The following PLA2G6 variants were observed in gnomAD, a reference collection of about 807,000 sequenced individuals.
The protein encoded by PLA2G6 is 85/88 kDa calcium-independent phospholipase A2.
In PLA2G6, 62 loss-of-function variants were observed where a neutral mutation model predicts 83.8. The ratio of observed to expected loss-of-function variants is 0.74; its 90% CI spans 0.60 to 0.91. The LOEUF is 0.91. Ranked by LOEUF, PLA2G6 falls within the 40% of genes least tolerant of loss-of-function variation. The pLI, the probability that PLA2G6 is intolerant of heterozygous loss-of-function variation, is 0.00. For synonymous variants in PLA2G6, 417 were observed against 449.8 expected, an observed-to-expected ratio of 0.93 and a Z score of 0.92; for missense variants, 944 against 1,102.0, an observed-to-expected ratio of 0.86 and a Z score of 2.03.
At chr22:38,163,112 G>A (rs1195576929) in intron 2 of PLA2G6, among the ~76,000 whole-genome samples, 1 of 152,098 alleles carries the variant, frequency 6.6e-6, no homozygotes, top group Non-Finnish European at 1.5e-5. Context: ...ACCTCAGGGG[G>A]TCCTGGACCA....
chr22:38,148,684 C>A, intron 2 of PLA2G6: 1 of 639,884 alleles, frequency 1.6e-6, no homozygotes, highest in South Asian at 1.8e-5. Flanking sequence ...TAAAGAACTA[C>A]GTAGCCTAGG....
Position 38,123,171 on chromosome 22 carries a change from A to G in PLA2G6, c.1515T>C (p.Gly505=). Residue 505 remains glycine (G), a synonymous_variant, in exon 11 of 17, where the codon GGT becomes GGC. Coordinates refer to ENST00000332509, the MANE Select transcript of PLA2G6 (RefSeq NM_003560.4). The surrounding 1 kb of genome is among the most constrained non-coding windows in gnomAD (Gnocchi z 4.1). Reference sequence around the variant, plus strand: ...AGTCAAACAGGTCCTTGGTGGCCACACCCGAGGCCTTCTCGATGGCGATGA... The same window carrying G: ...AGTCAAACAGGTCCTTGGTGGCCACGCCCGAGGCCTTCTCGATGGCGATGA... ...QLLIAIEKAS[G]VATKDLFDWV... 6.4e-7 allele frequency: 1 copy of G among 1,550,990 alleles called. No individual in the cohort carries two copies. The highest frequency in any genetic ancestry group is 8.7e-7 in the Non-Finnish European group (1 of 1,147,494).
chr22:38,127,495 G>A (rs762703279), intron 9 of PLA2G6: 20 of 1,236,748 alleles, frequency 1.6e-5, no homozygotes, highest in Middle Eastern at 4.4e-4. Flanking sequence ...AGGTGGAGGG[G>A]GAGTTCCTGG....
intron 12 of PLA2G6, among the ~76,000 whole-genome samples, chr22:38,117,010 C>T (rs892884195): frequency 1.3e-5 from 2 of 151,998 alleles, no homozygotes; most frequent in Admixed American, 1.3e-4. Flanking sequence ...AGTCTCACAA[C>T]CACTATAGAA....
At chr22:38,118,227 G>C (rs1225537764) in intron 12 of PLA2G6, among the ~76,000 whole-genome samples, 4 of 152,206 alleles carry the variant, frequency 2.6e-5, no homozygotes, top group Non-Finnish European at 4.4e-5. Context: ...CTGCAACGTG[G>C]TCAGGCAGTG....
rs112856801 is a variant in PLA2G6, at chr22:38,163,961, C to T, written c.209+5257G>A. Among the ~76,000 whole-genome samples, 815 of 152,126 alleles carry T rather than the reference C, an allele frequency of 5.4e-3. 10 individuals carry two copies. Among genetic ancestry groups the T allele is most frequent in the African/African-American group, 0.019 (773 of 41,464 alleles). On this transcript the variant is annotated intron_variant, in intron 2 of 16. Transcript: ENST00000332509. ...CCAGAGAGCCTCAAAAGTCAGCTCC[C>T]GGTAGGGAAGCACAGATCACACACT...
chr22:38,145,228 C>T (rs2089178051), intron 3 of PLA2G6: 2 of 618,610 alleles, frequency 3.2e-6, no homozygotes, highest in South Asian at 1.8e-5. Flanking sequence ...CAAGGTCTTG[C>T]TATTTTGCCA....
chr22:38,151,550 C>T (rs918421926), intron 2 of PLA2G6, among the ~76,000 whole-genome samples: 2 of 152,134 alleles, frequency 1.3e-5, no homozygotes, highest in African/African-American at 4.8e-5. Flanking sequence ...CAAAAGCTTT[C>T]TCTTCATGTG....
rs11570701 is a variant in PLA2G6, at chr22:38,128,168, G to A, written c.1348+101C>T. The A allele has an allele frequency of 4.3e-3, 5,587 of 1,308,138 alleles. 168 individuals carry two copies. In the African/African-American group the frequency reaches 0.067, roughly 16 times the overall value. The allele number at this position is 1,308,138 out of a possible 1,614,324, so 81.0% of individuals were successfully genotyped here. A position where few individuals can be genotyped will look rare whatever the true frequency, so the allele number is the denominator to read the frequency against. On this transcript the variant is annotated intron_variant, in intron 9 of 16. Coordinates refer to ENST00000332509, the MANE Select transcript of PLA2G6 (RefSeq NM_003560.4). The surrounding 1 kb of genome is among the most constrained non-coding windows in gnomAD (Gnocchi z 4.4). ...GCCCCATCCTCCCCGGCTTCCTTTA[G>A]TGACTTCCGTCCTAGGGATCCTGTT...
At chr22:38,173,550 G>A (rs28428653) in intron 1 of PLA2G6, among the ~76,000 whole-genome samples, 16,670 of 152,134 alleles carry the variant, frequency 0.11, 1,081 homozygotes, top group African/African-American at 0.16. Context: ...ATTTCTGGCC[G>A]TTTTCCTTAT....
intron 6 of PLA2G6, chr22:38,133,293 T>C: frequency 1.9e-6 from 1 of 538,498 alleles, no homozygotes; most frequent in East Asian, 3.2e-5. Context: ...CCACTCTCCT[T>C]GCAAAGGCTC....
At chr22:38,178,357 G>A (rs2090717438) in intron 1 of PLA2G6, among the ~76,000 whole-genome samples, 1 of 152,270 alleles carries the variant, frequency 6.6e-6, no homozygotes, top group South Asian at 2.1e-4. Context: ...GATCACTTAA[G>A]CTCAGGACTT....
In PLA2G6 at chr22:38,129,440, T is replaced by G. The variant is rs781641825; in HGVS notation, c.1186+14A>C. On this transcript the variant is annotated intron_variant, in intron 8 of 16. Coordinates refer to ENST00000332509, the MANE Select transcript of PLA2G6 (RefSeq NM_003560.4). The stretch of plus-strand genomic sequence containing the variant: ...CCCTCACCCCACTCCAGCCCCAGAG[T>G]GCAGAGCACATACGTCTGCCGATTT... The G allele has an allele frequency of 3.6e-5, 56 of 1,554,046 alleles. No homozygotes were observed. Among genetic ancestry groups the G allele is most frequent in the Non-Finnish European group, 4.9e-5 (55 of 1,125,638 alleles).
intron 1 of PLA2G6, among the ~76,000 whole-genome samples, chr22:38,171,042 CAT>C (rs2090417253): frequency 6.6e-6 from 1 of 152,064 alleles, no homozygotes; most frequent in East Asian, 1.9e-4. Flanking sequence ...CATGGTGGCG[CAT>C]GCCTGTAATC....
chr22:38,157,093 TTAG>T (rs1200371744), intron 2 of PLA2G6, among the ~76,000 whole-genome samples: 1 of 151,540 alleles, frequency 6.6e-6, no homozygotes, highest in African/African-American at 2.4e-5. Context: ...AAACCCAAAA[TTAG>T]TAGAAGAAAA....
In PLA2G6 at chr22:38,154,698, A is replaced by G. The variant is rs138840375; in HGVS notation, c.210-9045T>C. Among the ~76,000 whole-genome samples, 302 of 152,370 alleles carry G rather than the reference A, an allele frequency of 2.0e-3. 4 individuals carry two copies. In the East Asian group the frequency reaches 0.04, roughly 20 times the overall value. On this transcript the variant is annotated intron_variant, in intron 2 of 16. Transcript: ENST00000332509. ...AGACTACAATAAATACCTAACTTCAATGCCCAGACACTGACGAACATCACA... is the reference window on the plus strand; with the variant it reads ...AGACTACAATAAATACCTAACTTCAGTGCCCAGACACTGACGAACATCACA...
chr22:38,178,225 C>T (rs2090711358), intron 1 of PLA2G6, among the ~76,000 whole-genome samples: 1 of 152,094 alleles, frequency 6.6e-6, no homozygotes, highest in Non-Finnish European at 1.5e-5. Flanking sequence ...CAAATATTTA[C>T]TGAGATGGAT....
intron 1 of PLA2G6, among the ~76,000 whole-genome samples, chr22:38,180,916 C>G (rs2090821002): frequency 6.6e-6 from 1 of 152,182 alleles, no homozygotes; most frequent in Admixed American, 6.5e-5. Context: ...GCAGCCTCAA[C>G]GTTGCCAAAC....
intron 5 of PLA2G6, chr22:38,136,684 C>A (rs2088572012): frequency 6.7e-6 from 1 of 148,646 alleles, no homozygotes; most frequent in African/African-American, 2.5e-5. Flanking sequence ...ATATCAGAAT[C>A]ATTGTATACT....
Sources: gnomAD v4.1 joint callset for allele counts (sites outside exome capture counted in the v4.1 genomes callset) on GRCh38, gnomAD v4.1.1 for gene constraint, Gnocchi (gnomAD v3.1) non-coding constraint, MANE v1.5 for transcripts, NCBI Gene and HGNC (gene_info 2026-07-23, HGNC 2026-07-21) for gene names.